The following SLIT3 variants were observed in gnomAD, a reference collection of about 807,000 sequenced individuals.
SLIT3 encodes the protein slit homolog 3 protein.
A neutral mutation model predicts 184.0 loss-of-function variants in SLIT3; 68 were observed. The observed-to-expected ratio is 0.37, with a 90% CI of 0.30 to 0.45. The LOEUF (loss-of-function observed/expected upper bound fraction) is 0.45, where lower values mean the gene tolerates loss of function less well. Among genes scored for constraint, SLIT3 ranks in the 20% least tolerant of loss-of-function variants. SLIT3 has a pLI of 1.00. For missense variants in SLIT3, 1,707 were observed against 2,026.0 expected (o/e 0.84, Z 3.02); for synonymous variants, 831 against 828.6 (o/e 1.00, Z -0.05).
chr5:169,256,385 C>G (rs1366474158), intron 1 of SLIT3, among the ~76,000 whole-genome samples: 2 of 152,202 alleles, frequency 1.3e-5, no homozygotes, highest in African/African-American at 4.8e-5. Flanking sequence ...GTGGAGTAAC[C>G]TGCTGTGCGG....
chr5:168,789,459 T>C (rs556104021), intron 11 of SLIT3, 101 bp downstream of exon 11: 78 of 851,136 alleles, frequency 9.2e-5, no homozygotes, highest in Admixed American at 1.3e-4. Context: ...TAAGGGAACA[T>C]AAAGTCTTGA....
intron 4 of SLIT3, among the ~76,000 whole-genome samples, chr5:169,086,155 C>A (rs1759289252): frequency 6.6e-6 from 1 of 152,200 alleles, no homozygotes; most frequent in African/African-American, 2.4e-5. Flanking sequence ...GCACAAATAC[C>A]TCTTTTTGTT....
In SLIT3 at chr5:168,742,050, G is replaced by A. The variant is rs1201934934; in HGVS notation, c.2270+6252C>T. 1.1e-4 allele frequency among the ~76,000 whole-genome samples: 14 copies of A among 122,828 alleles called. No homozygotes were observed. In the East Asian group the frequency reaches 3.0e-3, roughly 26 times the overall value. 80.6% of individuals were successfully genotyped at this position (122,828 alleles called of 152,430 possible). On this transcript the variant is annotated intron_variant, in intron 20 of 35. Coordinates refer to ENST00000519560, the MANE Select transcript of SLIT3 (RefSeq NM_003062.4). ...GGGGGTTACCTAAGTAGGGATGGGA[G>A]TGAAGAACATTCTAGGCCGGGAGAA...
intron 28 of SLIT3, among the ~76,000 whole-genome samples, chr5:168,693,693 C>T (rs1311321952): frequency 1.3e-5 from 2 of 152,150 alleles, no homozygotes; most frequent in Non-Finnish European, 2.9e-5. Context: ...GCCTTAGCTC[C>T]TGCTCCCAGG....
chr5:169,013,767 C>G (rs1756255016), intron 4 of SLIT3, among the ~76,000 whole-genome samples: 1 of 152,178 alleles, frequency 6.6e-6, no homozygotes. Context: ...GGTCTCTGCT[C>G]AAATATTCAT....
intron 4 of SLIT3, among the ~76,000 whole-genome samples, chr5:168,926,133 C>G (rs1050441871): frequency 3.3e-5 from 5 of 151,988 alleles, no homozygotes; most frequent in African/African-American, 1.2e-4. Context: ...TCTATCTATC[C>G]AACTGTGGGG....
intron 5 of SLIT3, among the ~76,000 whole-genome samples, chr5:168,864,419 A>G (rs2113754525): frequency 6.6e-6 from 1 of 152,368 alleles, no homozygotes; most frequent in East Asian, 1.9e-4. Flanking sequence ...GAATTTAGGT[A>G]GCTCCCAAGA....
intron 4 of SLIT3, among the ~76,000 whole-genome samples, chr5:169,081,258 G>A (rs995889544): frequency 6.6e-6 from 1 of 152,218 alleles, no homozygotes; most frequent in Admixed American, 6.5e-5. Flanking sequence ...ACAAGGGTAG[G>A]GGGTACACAG....
intron 1 of SLIT3, among the ~76,000 whole-genome samples, chr5:169,299,293 C>A (rs1767605869): frequency 6.6e-6 from 1 of 152,074 alleles, no homozygotes; most frequent in Non-Finnish European, 1.5e-5. Flanking sequence ...GAGTCTCCAC[C>A]CAGAGATGCA....
At chr5:168,676,792 A>G (rs1761424786) in intron 32 of SLIT3, among the ~76,000 whole-genome samples, 1 of 152,222 alleles carries the variant, frequency 6.6e-6, no homozygotes, top group South Asian at 2.1e-4. Context: ...CTCGCTTCCA[A>G]CATTATGATT....
intron 4 of SLIT3, among the ~76,000 whole-genome samples, chr5:168,939,222 G>A (rs1017968959): frequency 2.0e-5 from 3 of 152,188 alleles, no homozygotes; most frequent in African/African-American, 7.2e-5. Flanking sequence ...TGATTGATGA[G>A]GAAGGGCCTT....
intron 4 of SLIT3, among the ~76,000 whole-genome samples, chr5:168,925,789 G>T (rs1442042881): frequency 6.6e-6 from 1 of 152,134 alleles, no homozygotes; most frequent in Non-Finnish European, 1.5e-5. Flanking sequence ...TCCAATAAAA[G>T]GAAAGAGAAT....
In SLIT3 at chr5:169,251,322, G is replaced by C. The variant is rs1306426807; in HGVS notation, c.269+66C>G. On this transcript the variant is annotated intron_variant, in intron 2 of 35. Transcript: ENST00000519560. ...TGGGAGTGTGATGTCAGGGGCAGTG[G>C]AACATTTTTTTGTGAGGCTGAAGAG... is the stretch of plus-strand genomic sequence containing the variant. 2.7e-6 allele frequency: 3 copies of C among 1,118,548 alleles called. No individual in the cohort carries two copies. In the African/African-American group the frequency reaches 4.6e-5, roughly 17 times the overall value. 69.3% of individuals were successfully genotyped at this position (1,118,548 alleles called of 1,614,324 possible). A position where few individuals can be genotyped will look rare whatever the true frequency, so the allele number is the denominator to read the frequency against.
intron 32 of SLIT3, among the ~76,000 whole-genome samples, chr5:168,683,463 C>T (rs1200286747): frequency 1.3e-5 from 2 of 151,954 alleles, no homozygotes; most frequent in Non-Finnish European, 2.9e-5. Flanking sequence ...CCATCACACA[C>T]AAGCCAGGGT....
At chr5:168,789,519 C>A (rs1208995282) in intron 11 of SLIT3, 41 bp downstream of exon 11, 2 of 1,528,266 alleles carry the variant, frequency 1.3e-6, no homozygotes, top group South Asian at 1.1e-5. Context: ...TCCAGCGCCC[C>A]CCCTCCCCTC....
chr5:168,738,937 C>CA (rs34133933), intron 20 of SLIT3, among the ~76,000 whole-genome samples: 18,634 of 84,170 alleles, frequency 0.22, 2,939 homozygotes, highest in East Asian at 0.56. Context: ...GACTCCATCT[C>CA]AAAAAAAAAA....
intron 28 of SLIT3, among the ~76,000 whole-genome samples, chr5:168,695,017 G>C (rs1762011779): frequency 6.6e-6 from 1 of 152,196 alleles, no homozygotes; most frequent in African/African-American, 2.4e-5. Context: ...TCAGTTGGTG[G>C]TGGTACGTTC....
intron 4 of SLIT3, among the ~76,000 whole-genome samples, chr5:168,910,917 G>A (rs1234969130): frequency 1.3e-5 from 2 of 152,128 alleles, no homozygotes; most frequent in African/African-American, 2.4e-5. Context: ...CCCATCCCAT[G>A]AGATTGGCAT....
intron 1 of SLIT3, among the ~76,000 whole-genome samples, chr5:169,281,019 T>C (rs1042127249): frequency 6.6e-6 from 1 of 152,084 alleles, no homozygotes; most frequent in Non-Finnish European, 1.5e-5. Context: ...TGTCTCAGTG[T>C]TGGGGTCACA....
Sources: gnomAD v4.1 joint callset for allele counts (sites outside exome capture counted in the v4.1 genomes callset) on GRCh38, gnomAD v4.1.1 for gene constraint, MANE v1.5 for transcripts, NCBI Gene and HGNC (gene_info 2026-07-23, HGNC 2026-07-21) for gene names.